Variants in PCGF6 observed in about 807,000 individuals in gnomAD.
PCGF6 encodes the protein polycomb group ring finger 6.
In PCGF6, 24 loss-of-function variants were observed where a neutral mutation model predicts 45.5. The ratio of observed to expected loss-of-function variants is 0.53; its 90% CI spans 0.38 to 0.74. PCGF6 has a LOEUF of 0.74. Among genes scored for constraint, PCGF6 ranks in the 30% least tolerant of loss-of-function variants. The pLI, the probability that PCGF6 is intolerant of heterozygous loss-of-function variation, is 0.00. For missense variants in PCGF6, 356 were observed against 443.2 expected (o/e 0.80, Z 1.77); for synonymous variants, 152 against 162.1 (o/e 0.94, Z 0.47).
chr10:103,335,904 T>C (rs1055197580), intron 6 of PCGF6, among the ~76,000 whole-genome samples: 4 of 149,494 alleles, frequency 2.7e-5, no homozygotes, highest in Non-Finnish European at 5.9e-5. Context: ...GAGGCGGAGG[T>C]TGCAGTGAGC....
intron 8 of PCGF6, among the ~76,000 whole-genome samples, chr10:103,322,539 G>A (rs906573770): frequency 6.6e-6 from 1 of 151,938 alleles, no homozygotes; most frequent in Non-Finnish European, 1.5e-5. Context: ...TAAAAAAACA[G>A]GCTGGGCACA....
chr10:103,346,555 C>T lies in PCGF6; in HGVS notation c.673+683G>A, dbSNP rs545692793. ...AGGAGAATCGCTTGAGCCCAGAAGG[C>T]GGAGGTTGCAGTGAGCCAAGATCAT... On this transcript the variant is annotated intron_variant, in intron 5 of 9. Coordinates refer to ENST00000369847, the MANE Select transcript of PCGF6 (RefSeq NM_001011663.2). Among the ~76,000 whole-genome samples the T allele has an allele frequency of 1.7e-4, 26 of 152,102 alleles. No individual in the cohort carries two copies. The South Asian group carries it at 2.7e-3, about 16-fold the overall frequency.
At chr10:103,340,886 A>G (rs753354271) in intron 6 of PCGF6, among the ~76,000 whole-genome samples, 1 of 152,184 alleles carries the variant, frequency 6.6e-6, no homozygotes, top group Non-Finnish European at 1.5e-5. Flanking sequence ...TACAGGCATA[A>G]GCCACCATGC....
chr10:103,335,181 G>A (rs2133584643), intron 6 of PCGF6, among the ~76,000 whole-genome samples: 1 of 150,752 alleles, frequency 6.6e-6, no homozygotes, highest in South Asian at 2.1e-4. Context: ...CTGAGCAGCT[G>A]GGAGTACAGA....
At chr10:103,338,239 TCAAA>T (rs1450856340) in intron 6 of PCGF6, among the ~76,000 whole-genome samples, 1 of 150,250 alleles carries the variant, frequency 6.7e-6, no homozygotes, top group African/African-American at 2.5e-5. Flanking sequence ...AAACCCTGTC[TCAAA>T]CAAACAAACA....
chr10:103,306,452 C>T (rs1279895772), intron 9 of PCGF6, among the ~76,000 whole-genome samples: 2 of 152,120 alleles, frequency 1.3e-5, no homozygotes, highest in Non-Finnish European at 2.9e-5. Flanking sequence ...GGATAACTAG[C>T]TAAAAGGAAA....
intron 6 of PCGF6, among the ~76,000 whole-genome samples, chr10:103,337,989 G>T (rs1395789458): frequency 1.8e-5 from 1 of 55,766 alleles, no homozygotes; most frequent in African/African-American, 6.2e-5. Context: ...GCGTGAACCC[G>T]GGAGGCGGAG....
At chr10:103,320,007 C>T (rs2093191175) in intron 8 of PCGF6, among the ~76,000 whole-genome samples, 1 of 152,008 alleles carries the variant, frequency 6.6e-6, no homozygotes, top group Admixed American at 6.6e-5. Context: ...GGGGTTTCAC[C>T]ATGTGGGCCA....
In PCGF6 at chr10:103,339,809, AAACACACACACACACACACAC is replaced by A. The variant is rs1564733221; in HGVS notation, c.782+5194_782+5214del. ...CGAAATTCTGTCTGTCTCAAAAAAA[AAACACACACACACACACACAC>A]ACACACACACACACACACACACACA... On this transcript the variant is annotated intron_variant, in intron 6 of 9. Coordinates refer to ENST00000369847, the MANE Select transcript of PCGF6 (RefSeq NM_001011663.2). Among the ~76,000 whole-genome samples, 19 of 38,688 alleles carry A rather than the reference AAACACACACACACACACACAC, an allele frequency of 4.9e-4. 2 individuals are homozygous for A. The South Asian group carries it at 9.1e-3, about 18-fold the overall frequency. 25.4% of individuals were successfully genotyped at this position (38,688 alleles called of 152,430 possible). A position where few individuals can be genotyped will look rare whatever the true frequency, so the allele number is the denominator to read the frequency against.
At chr10:103,337,291 T>G (rs1213554955) in intron 6 of PCGF6, among the ~76,000 whole-genome samples, 2 of 152,202 alleles carry the variant, frequency 1.3e-5, no homozygotes, top group African/African-American at 2.4e-5. Context: ...CTCTATTTTC[T>G]TTGGTATGCA....
At chr10:103,312,991 A>G (rs1292372357) in intron 9 of PCGF6, among the ~76,000 whole-genome samples, 1 of 152,142 alleles carries the variant, frequency 6.6e-6, no homozygotes, top group Non-Finnish European at 1.5e-5. Flanking sequence ...AAACAAAAAC[A>G]AAAACAACTT....
At chr10:103,311,414 T>A (rs546430109) in intron 9 of PCGF6, among the ~76,000 whole-genome samples, 2 of 151,870 alleles carry the variant, frequency 1.3e-5, no homozygotes, top group Non-Finnish European at 2.9e-5. Flanking sequence ...AGTGCTGGGA[T>A]TACAGGTGTG....
rs1167143010 is a variant in PCGF6 at position 103,314,282 on chromosome 10, T to C, written c.910-10A>G. 4 of 1,501,944 alleles carry C rather than the reference T, an allele frequency of 2.7e-6. No individual in the cohort carries two copies. The highest frequency in any genetic ancestry group is 1.4e-5 in the African/African-American group (1 of 71,774). 93.0% of individuals were successfully genotyped at this position (1,501,944 alleles called of 1,614,324 possible). On this transcript the variant is annotated splice_polypyrimidine_tract_variant and intron_variant, in intron 8 of 9. Transcript: ENST00000369847. ...CACAGATTATATCTACCTATGGACA[T>C]GAAGAGAGTATTAGATTGATTTCTT... is the stretch of plus-strand genomic sequence containing the variant.
intron 6 of PCGF6, among the ~76,000 whole-genome samples, chr10:103,334,409 T>C (rs72846195): frequency 3.3e-5 from 5 of 152,298 alleles, no homozygotes; most frequent in Non-Finnish European, 7.4e-5. Context: ...TTTTCAAGTA[T>C]ATAATACATT....
At chr10:103,308,792 G>C (rs2093146446) in intron 9 of PCGF6, among the ~76,000 whole-genome samples, 1 of 151,962 alleles carries the variant, frequency 6.6e-6, no homozygotes, top group Non-Finnish European at 1.5e-5. Context: ...AGAATCACTT[G>C]AGCCTGGGAG....
chr10:103,315,856 T>C (rs1430314123), intron 8 of PCGF6, among the ~76,000 whole-genome samples: 1 of 152,136 alleles, frequency 6.6e-6, no homozygotes, highest in Non-Finnish European at 1.5e-5. Flanking sequence ...TATATACATT[T>C]TATTAAGACT....
rs1408002983 is a variant in PCGF6, at chr10:103,349,134, G to A, written c.361-135C>T. The A allele has an allele frequency of 2.9e-5, 20 of 694,610 alleles. No homozygotes were observed. The East Asian group carries it at 4.2e-4, about 14-fold the overall frequency. 43.0% of individuals were successfully genotyped at this position (694,610 alleles called of 1,614,324 possible). A position where few individuals can be genotyped will look rare whatever the true frequency, so the allele number is the denominator to read the frequency against. ...GTCATCTCGGTTCACTGCAACCTCC[G>A]CCTCCTGGATTAAAGCGATTCTCCT... On this transcript the variant is annotated intron_variant, in intron 1 of 9. Transcript: ENST00000369847.
At chr10:103,344,910 T>C (rs1044154390) in intron 6 of PCGF6, 114 bp downstream of exon 6, 22 of 682,018 alleles carry the variant, frequency 3.2e-5, no homozygotes, top group Non-Finnish European at 5.4e-5. Context: ...TTCAGTTATT[T>C]CATAATTTTC....
At chr10:103,339,604 C>G (rs2093270818) in intron 6 of PCGF6, among the ~76,000 whole-genome samples, 1 of 150,552 alleles carries the variant, frequency 6.6e-6, no homozygotes, top group South Asian at 2.1e-4. Context: ...GCCTGGCCAA[C>G]ATGGTGAAAC....
Sources: gnomAD v4.1 joint callset for allele counts (sites outside exome capture counted in the v4.1 genomes callset) on GRCh38, gnomAD v4.1.1 for gene constraint, MANE v1.5 for transcripts, NCBI Gene and HGNC (gene_info 2026-07-23, HGNC 2026-07-21) for gene names.